The following ETV6 variants were observed in gnomAD, a reference collection of about 807,000 sequenced individuals.
ETV6 encodes transcription factor ETV6.
In ETV6, 16 loss-of-function variants were observed where a neutral mutation model predicts 51.1. The ratio of observed to expected loss-of-function variants is 0.31; its 90% confidence interval spans 0.21 to 0.48. The LOEUF is 0.48. Among genes scored for constraint, ETV6 ranks in the 20% least tolerant of loss-of-function variants. The pLI, the probability that ETV6 is intolerant of heterozygous loss-of-function variation, is 0.99. For missense variants in ETV6, 458 were observed against 594.8 expected, an observed-to-expected ratio of 0.77 and a Z score of 2.39; for synonymous variants, 240 against 224.1, an observed-to-expected ratio of 1.07 and a Z score of -0.64.
intron 2 of ETV6, among the ~76,000 whole-genome samples, chr12:11,800,139 G>A (rs1945725989): frequency 6.6e-6 from 1 of 152,134 alleles, no homozygotes; most frequent in South Asian, 2.1e-4. Flanking sequence ...CATAGGAAAG[G>A]GGAGTGGACA....
intron 1 of ETV6, among the ~76,000 whole-genome samples, chr12:11,674,412 G>A (rs1322446299): frequency 6.6e-6 from 1 of 152,032 alleles, no homozygotes; most frequent in Non-Finnish European, 1.5e-5. Flanking sequence ...AAGGAGTACC[G>A]AGACTCCAAG....
At chr12:11,793,084 A>G (rs984563908) in intron 2 of ETV6, among the ~76,000 whole-genome samples, 24 of 152,214 alleles carry the variant, frequency 1.6e-4, no homozygotes, top group Admixed American at 1.3e-3. Context: ...TTTAAAAAAA[A>G]AAAAACCTTA....
intron 2 of ETV6, among the ~76,000 whole-genome samples, chr12:11,801,599 A>G (rs1471901858): frequency 6.6e-6 from 1 of 152,158 alleles, no homozygotes; most frequent in Non-Finnish European, 1.5e-5. Flanking sequence ...TGGTTAAGCT[A>G]GTGGTATCTT....
At position 11,892,028 on chromosome 12, in the gene ETV6, AGCGC is replaced by A. The variant is rs199697595; in HGVS notation, c.*983_*986del. ...CAGCTTGGGATTAGCTTGGGAGCGC[AGCGC>A]TGCAAAGTGGAAAATATGAAAAGAC... On this transcript the variant is annotated 3_prime_UTR_variant, in exon 8 of 8. Transcript: ENST00000396373. The A allele has an allele frequency of 9.9e-6, 2 of 202,084 alleles. No individual in the cohort carries two copies. The highest frequency in any genetic ancestry group is 5.7e-5 in the African/African-American group (2 of 35,152). 12.5% of individuals were successfully genotyped at this position (202,084 alleles called of 1,614,324 possible).
At chr12:11,762,792 G>A (rs1423264717) in intron 2 of ETV6, among the ~76,000 whole-genome samples, 1 of 152,142 alleles carries the variant, frequency 6.6e-6, no homozygotes, top group African/African-American at 2.4e-5. Context: ...GTGAAAAGGG[G>A]GTGTAAGATT....
At chr12:11,840,181 C>T (rs1480916917) in intron 3 of ETV6, among the ~76,000 whole-genome samples, 1 of 152,162 alleles carries the variant, frequency 6.6e-6, no homozygotes, top group East Asian at 1.9e-4. Flanking sequence ...TCTCCTCGGG[C>T]TCATCTGACT....
intron 1 of ETV6, among the ~76,000 whole-genome samples, chr12:11,681,435 A>T (rs866505928): frequency 2.0e-4 from 31 of 152,254 alleles, no homozygotes; most frequent in Middle Eastern, 3.4e-3. Context: ...ATCAGGAAGT[A>T]AGACTGAAAT....
At chr12:11,668,846 ATGT>A (rs1313750545) in intron 1 of ETV6, among the ~76,000 whole-genome samples, 5 of 152,160 alleles carry the variant, frequency 3.3e-5, no homozygotes, top group Non-Finnish European at 7.4e-5. Context: ...TCAGAGCAGG[ATGT>A]TGGACGTTGT....
chr12:11,825,522 C>T (rs1946140264), intron 2 of ETV6: 1 of 152,264 alleles, frequency 6.6e-6, no homozygotes, highest in African/African-American at 2.4e-5. Flanking sequence ...TCCTCTGCGT[C>T]TCTCCTCTGT....
rs1165800002 is a variant in ETV6 at position 11,895,301 on chromosome 12, A to AC, written c.*4255_*4256insC. 6.0e-4 allele frequency: 133 copies of AC among 223,284 alleles called. No homozygotes were observed. Among genetic ancestry groups the AC allele is most frequent in the East Asian group, 2.5e-4 (4 of 15,832 alleles). The allele number at this position is 223,284 out of a possible 1,614,324, so 13.8% of individuals were successfully genotyped here. A position where few individuals can be genotyped will look rare whatever the true frequency, so the allele number is the denominator to read the frequency against. On this transcript the variant is annotated 3_prime_UTR_variant, in exon 8 of 8. Coordinates refer to ENST00000396373, the MANE Select transcript of ETV6 (RefSeq NM_001987.5). ...ATGTAACAAAAAAGAAAAAAAAAAC[A>AC]AAAAAAAATGCCTTTTCTCAGGGCC...
At chr12:11,709,253 C>G (rs73288748) in intron 1 of ETV6, among the ~76,000 whole-genome samples, 1 of 152,184 alleles carries the variant, frequency 6.6e-6, no homozygotes, top group Non-Finnish European at 1.5e-5. Context: ...TACCCCTGCC[C>G]TCTTATCCCA....
chr12:11,718,754 A>G (rs1298121705), intron 1 of ETV6, among the ~76,000 whole-genome samples: 1 of 152,108 alleles, frequency 6.6e-6, no homozygotes, highest in Non-Finnish European at 1.5e-5. Context: ...ATTCTCAGAC[A>G]AGCACAGGAC....
intron 7 of ETV6, among the ~76,000 whole-genome samples, chr12:11,888,793 C>T (rs1003499702): frequency 6.6e-6 from 1 of 152,178 alleles, no homozygotes; most frequent in Admixed American, 6.5e-5. Context: ...GCCTCAAACT[C>T]TGGGCTCAAG....
At chr12:11,677,946 T>C (rs1360415178) in intron 1 of ETV6, among the ~76,000 whole-genome samples, 1 of 152,188 alleles carries the variant, frequency 6.6e-6, no homozygotes, top group Non-Finnish European at 1.5e-5. Flanking sequence ...CTCGTGCAGT[T>C]CTCTGCTTGG....
chr12:11,888,477 C>T (rs188096551), intron 7 of ETV6, among the ~76,000 whole-genome samples: 116 of 150,998 alleles, frequency 7.7e-4, no homozygotes, highest in Non-Finnish European at 1.5e-3. Flanking sequence ...CTCACTGGAA[C>T]CTCCACCTCC....
chr12:11,731,257 C>G (rs946768746), intron 1 of ETV6, among the ~76,000 whole-genome samples: 1 of 152,118 alleles, frequency 6.6e-6, no homozygotes, highest in Non-Finnish European at 1.5e-5. Flanking sequence ...TTGTCAGCAC[C>G]TAACACAGTG....
intron 2 of ETV6, among the ~76,000 whole-genome samples, chr12:11,783,211 A>C (rs1945436120): frequency 6.6e-6 from 1 of 152,160 alleles, no homozygotes; most frequent in Non-Finnish European, 1.5e-5. Flanking sequence ...GAGAAGGAAG[A>C]GCCTATAAGA....
intron 7 of ETV6, among the ~76,000 whole-genome samples, chr12:11,887,180 C>T (rs1947203629): frequency 6.6e-6 from 1 of 152,172 alleles, no homozygotes; most frequent in Admixed American, 6.5e-5. Context: ...TCTGGCTCTA[C>T]CGTATGGCTT....
chr12:11,794,249 G>C (rs1189001241), intron 2 of ETV6, among the ~76,000 whole-genome samples: 1 of 152,168 alleles, frequency 6.6e-6, no homozygotes, highest in Non-Finnish European at 1.5e-5. Context: ...ACTTAAAATA[G>C]CTCTTGGAAC....
Sources: gnomAD v4.1 joint callset for allele counts (sites outside exome capture counted in the v4.1 genomes callset) on GRCh38, gnomAD v4.1.1 for gene constraint, MANE v1.5 for transcripts, NCBI Gene and HGNC (gene_info 2026-07-23, HGNC 2026-07-21) for gene names.